Variants in NKAIN2 observed in about 807,000 individuals in gnomAD.
The protein encoded by NKAIN2 is sodium/potassium-transporting ATPase subunit beta-1-interacting protein 2.
Under a neutral mutation model 32.6 loss-of-function variants are expected in NKAIN2, and 14 were observed. That is an observed-to-expected ratio of 0.43 (90% CI 0.28 to 0.67). The LOEUF (loss-of-function observed/expected upper bound fraction) is 0.67, where lower values mean the gene tolerates loss of function less well. Among genes scored for constraint, NKAIN2 ranks in the 30% least tolerant of loss-of-function variants. The pLI, the probability that NKAIN2 is intolerant of heterozygous loss-of-function variation, is 0.17. For missense variants in NKAIN2, 198 were observed against 258.3 expected (o/e 0.77, Z 1.60); for synonymous variants, 80 against 87.2 (o/e 0.92, Z 0.46).
intron 1 of NKAIN2, among the ~76,000 whole-genome samples, chr6:124,038,613 G>T (rs1781715185): frequency 6.6e-6 from 1 of 152,058 alleles, no homozygotes; most frequent in Non-Finnish European, 1.5e-5. Flanking sequence ...AAAAAAATAT[G>T]AGACCTAGGA....
chr6:124,626,649 C>T (rs1243427649), intron 3 of NKAIN2, among the ~76,000 whole-genome samples: 1 of 152,080 alleles, frequency 6.6e-6, no homozygotes, highest in African/African-American at 2.4e-5. Context: ...CTGAAAGCCG[C>T]CCTCTATTAT....
chr6:124,579,213 G>A (rs562157821), intron 3 of NKAIN2, among the ~76,000 whole-genome samples: 1 of 152,232 alleles, frequency 6.6e-6, no homozygotes, highest in African/African-American at 2.4e-5. Context: ...ACATCCACAA[G>A]CATCATGACC....
chr6:124,181,830 C>G (rs1055549357), intron 1 of NKAIN2, among the ~76,000 whole-genome samples: 2 of 152,180 alleles, frequency 1.3e-5, no homozygotes, highest in Non-Finnish European at 2.9e-5. Context: ...CAACAAGTCT[C>G]TAAGAAGCTC....
intron 3 of NKAIN2, among the ~76,000 whole-genome samples, chr6:124,624,757 C>CTATT (rs1783240499): frequency 6.6e-6 from 1 of 152,086 alleles, no homozygotes; most frequent in Non-Finnish European, 1.5e-5. Flanking sequence ...TAACACAAGT[C>CTATT]TATTTGTGGT....
intron 2 of NKAIN2, among the ~76,000 whole-genome samples, chr6:124,348,322 A>T (rs1169096205): frequency 6.6e-6 from 1 of 152,148 alleles, no homozygotes; most frequent in African/African-American, 2.4e-5. Flanking sequence ...CCGTTCTCAG[A>T]TCTCCAGCTG....
At chr6:124,172,796 G>A (rs573890955) in intron 1 of NKAIN2, among the ~76,000 whole-genome samples, 1 of 152,056 alleles carries the variant, frequency 6.6e-6, no homozygotes, top group Non-Finnish European at 1.5e-5. Context: ...TCATCTGCTG[G>A]AGCTCAAGCA....
intron 3 of NKAIN2, among the ~76,000 whole-genome samples, chr6:124,392,294 A>T (rs1773176401): frequency 6.6e-6 from 1 of 152,166 alleles, no homozygotes; most frequent in South Asian, 2.1e-4. Context: ...TGTAATATTC[A>T]GTACCTAATA....
At chr6:124,588,754 CCCCAA>C (rs1781801629) in intron 3 of NKAIN2, among the ~76,000 whole-genome samples, 1 of 151,996 alleles carries the variant, frequency 6.6e-6, no homozygotes, top group African/African-American at 2.4e-5. Context: ...TCTGGTGTAC[CCCCAA>C]CTGAAAGTTC....
intron 3 of NKAIN2, among the ~76,000 whole-genome samples, chr6:124,402,549 A>C (rs779835129): frequency 6.6e-6 from 1 of 152,230 alleles, no homozygotes; most frequent in African/African-American, 2.4e-5. Flanking sequence ...TAGAGCATTT[A>C]GTCTCAACAT....
intron 2 of NKAIN2, among the ~76,000 whole-genome samples, chr6:124,336,779 T>C (rs1349864707): frequency 1.3e-5 from 2 of 149,776 alleles, no homozygotes; most frequent in Non-Finnish European, 3.0e-5. Context: ...GTTCAAGCAA[T>C]TCCCCTGCTT....
chr6:124,550,261 CTTTA>C (rs926328276), intron 3 of NKAIN2, among the ~76,000 whole-genome samples: 1 of 152,124 alleles, frequency 6.6e-6, no homozygotes, highest in African/African-American at 2.4e-5. Context: ...CCAATACTAT[CTTTA>C]TTTATTCTCT....
intron 3 of NKAIN2, among the ~76,000 whole-genome samples, chr6:124,485,144 C>A (rs112130757): frequency 6.6e-6 from 1 of 152,098 alleles, no homozygotes; most frequent in African/African-American, 2.4e-5. Context: ...TTTCCTACAT[C>A]GGTAATCCTC....
At chr6:124,044,145 T>C (rs1211042938) in intron 1 of NKAIN2, among the ~76,000 whole-genome samples, 1 of 152,054 alleles carries the variant, frequency 6.6e-6, no homozygotes, top group Non-Finnish European at 1.5e-5. Context: ...AGGAAGAGGC[T>C]AATAATCTCT....
chr6:124,801,758 A>G (rs1272842058), intron 5 of NKAIN2, among the ~76,000 whole-genome samples: 3 of 152,228 alleles, frequency 2.0e-5, no homozygotes, highest in African/African-American at 7.2e-5. Flanking sequence ...AGAAGAACTC[A>G]TGCAGTTTAG....
At chr6:124,238,017 T>C (rs1021440472) in intron 1 of NKAIN2, among the ~76,000 whole-genome samples, 3 of 152,068 alleles carry the variant, frequency 2.0e-5, no homozygotes, top group Non-Finnish European at 2.9e-5. Context: ...CAGAGACTTA[T>C]TTAGGAAAGT....
chr6:124,573,120 G>T (rs868309390), intron 3 of NKAIN2, among the ~76,000 whole-genome samples: 5 of 152,170 alleles, frequency 3.3e-5, no homozygotes, highest in Non-Finnish European at 7.4e-5. Flanking sequence ...GATTACAAGC[G>T]TGAGCCACCA....
intron 2 of NKAIN2, among the ~76,000 whole-genome samples, chr6:124,312,007 A>G (rs760326785): frequency 1.3e-5 from 2 of 152,176 alleles, no homozygotes; most frequent in Non-Finnish European, 2.9e-5. Context: ...GTCAACCTCC[A>G]GTTGTAAACT....
chr6:124,644,282 G>T (rs993033915), intron 3 of NKAIN2, among the ~76,000 whole-genome samples: 3 of 152,032 alleles, frequency 2.0e-5, no homozygotes, highest in Admixed American at 1.3e-4. Flanking sequence ...ATATAATTAT[G>T]AAAGTTTTCT....
At chr6:123,811,891 A>G (rs9482466) in intron 1 of NKAIN2, among the ~76,000 whole-genome samples, 5,965 of 152,088 alleles carry the variant, frequency 0.039, 257 homozygotes, top group African/African-American at 0.1. Context: ...ATAATATGCT[A>G]TGCGCCTGAT....
Sources: gnomAD v4.1 joint callset for allele counts (sites outside exome capture counted in the v4.1 genomes callset) on GRCh38, gnomAD v4.1.1 for gene constraint, MANE v1.5 for transcripts, NCBI Gene and HGNC (gene_info 2026-07-23, HGNC 2026-07-21) for gene names.